Variants in PRKD3 observed in about 807,000 individuals in gnomAD.
PRKD3 encodes serine/threonine-protein kinase D3.
PRKD3 carries 47 observed loss-of-function variants against 99.2 expected under a neutral mutation model. The observed-to-expected ratio is 0.47, with a 90% CI of 0.38 to 0.60. The LOEUF (loss-of-function observed/expected upper bound fraction) is 0.60, where lower values mean the gene tolerates loss of function less well. Among genes scored for constraint, PRKD3 ranks in the 20% least tolerant of loss-of-function variants. The probability of loss-of-function intolerance (pLI) is 0.00; values close to 1 mark genes in which losing one functional copy is unlikely to be tolerated. For synonymous variants in PRKD3, 392 were observed against 355.4 expected, an observed-to-expected ratio of 1.10 and a Z score of -1.16; for missense variants, 1,019 against 1,088.4, an observed-to-expected ratio of 0.94 and a Z score of 0.90.
At position 37,286,371 on chromosome 2, in the gene PRKD3, T is replaced by C. The variant is rs750934171; in HGVS notation, c.718-2A>G. On this transcript the variant is annotated splice_acceptor_variant, in intron 5 of 18. Coordinates refer to ENST00000234179, the MANE Select transcript of PRKD3 (RefSeq NM_005813.6). LOFTEE classifies it high-confidence loss of function. Reference sequence around the variant, plus strand: ...ACTTGGTTCCTGGTGGACATGTGACTATAACATAAGTAATTTTCATAAGTG... The same window carrying C: ...ACTTGGTTCCTGGTGGACATGTGACCATAACATAAGTAATTTTCATAAGTG... 4 of 1,612,318 alleles carry C rather than the reference T, an allele frequency of 2.5e-6. No individual in the cohort carries two copies. Among genetic ancestry groups the C allele is most frequent in the South Asian group, 2.2e-5 (2 of 91,008 alleles).
intron 2 of PRKD3, among the ~76,000 whole-genome samples, chr2:37,298,229 C>T (rs908529819): frequency 2.6e-5 from 4 of 152,092 alleles, no homozygotes; most frequent in African/African-American, 4.8e-5. Context: ...CCTCATTAAC[C>T]GTCCTGTAGT....
intron 12 of PRKD3, among the ~76,000 whole-genome samples, chr2:37,270,041 A>C (rs1369589510): frequency 6.6e-6 from 1 of 152,132 alleles, no homozygotes; most frequent in Non-Finnish European, 1.5e-5. Context: ...CAGCCTGACC[A>C]ACAAGGAGAA....
intron 2 of PRKD3, among the ~76,000 whole-genome samples, chr2:37,296,259 T>A (rs1407839719): frequency 6.6e-6 from 1 of 152,164 alleles, no homozygotes; most frequent in Non-Finnish European, 1.5e-5. Context: ...ATAATTAATG[T>A]ATGACTTGGA....
chr2:37,283,376 T>G (rs4670682), intron 6 of PRKD3, among the ~76,000 whole-genome samples: 14,755 of 152,204 alleles, frequency 0.097, 1,117 homozygotes, highest in East Asian at 0.35. Context: ...ACCTTTGAAA[T>G]GCATCTATGA....
At chr2:37,263,144 ATTCT>A (rs1242982327) in intron 14 of PRKD3, among the ~76,000 whole-genome samples, 1 of 151,858 alleles carries the variant, frequency 6.6e-6, no homozygotes, top group Admixed American at 6.6e-5. Context: ...ACTTATTTTC[ATTCT>A]TTCTTGCTTA....
chr2:37,270,183 T>C (rs1669135103), intron 12 of PRKD3, among the ~76,000 whole-genome samples: 1 of 151,646 alleles, frequency 6.6e-6, no homozygotes. Flanking sequence ...GCCAAGACTG[T>C]GCCACTGCAC....
At position 37,251,847 on chromosome 2, in the gene PRKD3, G is replaced by A. The variant is rs756094157; in HGVS notation, c.*1330C>T. The A allele has an allele frequency of 6.7e-6, 1 of 149,976 alleles. No individual in the cohort carries two copies. Among genetic ancestry groups the A allele is most frequent in the Non-Finnish European group, 1.5e-5 (1 of 67,616 alleles). The allele number at this position is 149,976 out of a possible 1,614,324, so 9.3% of individuals were successfully genotyped here. ...AGTGGAGTCCAAGACCTCAGCAAAA[G>A]TTTTGTTCTTTTACTTTTGTTAGAG... On this transcript the variant is annotated 3_prime_UTR_variant, in exon 19 of 19. Transcript: ENST00000234179.
intron 2 of PRKD3, among the ~76,000 whole-genome samples, chr2:37,299,916 T>C (rs1670847903): frequency 1.3e-5 from 2 of 152,020 alleles, no homozygotes; most frequent in Admixed American, 1.3e-4. Context: ...GAAAGGGGAA[T>C]GCTTATACAC....
intron 2 of PRKD3, among the ~76,000 whole-genome samples, chr2:37,296,178 CAGA>C (rs1052658772): frequency 2.6e-5 from 4 of 152,042 alleles, no homozygotes; most frequent in Non-Finnish European, 4.4e-5. Flanking sequence ...TTGACCAAAC[CAGA>C]AGTTCTGAAT....
rs1263006732 is a variant in PRKD3, at chr2:37,304,566, C to T, written c.289-11295G>A. On this transcript the variant is annotated intron_variant, in intron 2 of 18. Transcript: ENST00000234179. The stretch of plus-strand genomic sequence containing the variant: ...GACCAGCCTGGCCAACATGCTGAAA[C>T]GCCATCTCTAGTAAAGATACAAAAA... 4.6e-5 allele frequency among the ~76,000 whole-genome samples: 7 copies of T among 151,900 alleles called. No homozygotes were observed. The East Asian group carries it at 7.7e-4, about 17-fold the overall frequency.
intron 1 of PRKD3, among the ~76,000 whole-genome samples, chr2:37,318,628 C>G (rs898283905): frequency 6.6e-6 from 1 of 152,180 alleles, no homozygotes; most frequent in Non-Finnish European, 1.5e-5. Flanking sequence ...CTTATCTTCT[C>G]CACAGTTTTA....
At chr2:37,272,766 TC>T (rs1669347880) in intron 11 of PRKD3, among the ~76,000 whole-genome samples, 1 of 152,228 alleles carries the variant, frequency 6.6e-6, no homozygotes, top group Admixed American at 6.5e-5. Context: ...GGCAGGAGGA[TC>T]ACTTGAGCCC....
chr2:37,294,856 T>C (rs1670603837), intron 2 of PRKD3, among the ~76,000 whole-genome samples: 1 of 152,140 alleles, frequency 6.6e-6, no homozygotes, highest in Admixed American at 6.5e-5. Context: ...AGGCAGATCA[T>C]TTGAGGTCAG....
chr2:37,305,871 C>T (rs2124879922), intron 2 of PRKD3, among the ~76,000 whole-genome samples: 1 of 152,232 alleles, frequency 6.6e-6, no homozygotes. Context: ...CTACCTGGGG[C>T]TTTACATTTA....
chr2:37,276,124 A>G (rs920992399), intron 9 of PRKD3, among the ~76,000 whole-genome samples: 2 of 151,986 alleles, frequency 1.3e-5, no homozygotes, highest in African/African-American at 4.8e-5. Flanking sequence ...ATGAATACAT[A>G]TATATATATG....
chr2:37,293,031 CAAT>C (rs1670507259), intron 3 of PRKD3, 99 bp downstream of exon 3: 1 of 1,220,278 alleles, frequency 8.2e-7, no homozygotes, highest in Admixed American at 2.3e-5. Context: ...AATTAAGTAA[CAAT>C]AATACAAAGA....
intron 9 of PRKD3, among the ~76,000 whole-genome samples, chr2:37,276,507 C>A (rs946317018): frequency 1.3e-5 from 2 of 151,878 alleles, no homozygotes; most frequent in African/African-American, 4.8e-5. Context: ...TTTCCTATTG[C>A]GTTATGTTCT....
At chr2:37,324,429 C>A (rs1672027794) in intron 1 of PRKD3, 1 of 153,282 alleles carries the variant, frequency 6.5e-6, no homozygotes, top group African/African-American at 2.4e-5. Context: ...CGCCCCCGCT[C>A]CCCCTCAGCC....
At chr2:37,260,846 C>T (rs3770767) in intron 14 of PRKD3, among the ~76,000 whole-genome samples, 2 of 152,018 alleles carry the variant, frequency 1.3e-5, no homozygotes, top group African/African-American at 4.8e-5. Flanking sequence ...ATATTATAAT[C>T]ATTAATTCCC....
Sources: allele counts gnomAD v4.1 joint callset (sites outside exome capture counted in the v4.1 genomes callset), GRCh38; gene constraint gnomAD v4.1.1; transcripts MANE v1.5; gene names NCBI Gene and HGNC (gene_info 2026-07-23, HGNC 2026-07-21).